The following NKAIN4 variants were observed in gnomAD, a reference collection of about 807,000 sequenced individuals.
NKAIN4 encodes the protein sodium/potassium-transporting ATPase subunit beta-1-interacting protein 4.
In NKAIN4, 28 loss-of-function variants were observed where a neutral mutation model predicts 28.8. That is an observed-to-expected ratio of 0.97 (90% CI 0.72 to 1.33). NKAIN4 has a LOEUF of 1.33. Ranked by LOEUF, NKAIN4 falls within the 40% of genes most tolerant of loss-of-function variation. The pLI, the probability that NKAIN4 is intolerant of heterozygous loss-of-function variation, is 0.00. For synonymous variants in NKAIN4, 122 were observed against 115.6 expected, an observed-to-expected ratio of 1.06 and a Z score of -0.36; for missense variants, 289 against 277.2, an observed-to-expected ratio of 1.04 and a Z score of -0.30.
intron 5 of NKAIN4, among the ~76,000 whole-genome samples, chr20:63,243,390 G>A (rs2066796259): frequency 6.6e-6 from 1 of 152,032 alleles, no homozygotes; most frequent in South Asian, 2.1e-4. Context: ...ACTGGATTCT[G>A]ACCCCAGGGA....
At chr20:63,242,156 A>T (rs999618990) in intron 6 of NKAIN4, among the ~76,000 whole-genome samples, 1 of 152,126 alleles carries the variant, frequency 6.6e-6, no homozygotes, top group African/African-American at 2.4e-5. Flanking sequence ...GTTCTGCCAG[A>T]TAGGAAGCCA....
chr20:63,242,623 A>G lies in NKAIN4; in HGVS notation c.533T>C (p.Phe178Ser). The change falls in exon 6 of 7, where the codon TTT becomes TCT. Residue 178 changes from phenylalanine (F) to serine (S), a missense_variant and splice_region_variant. Transcript: ENST00000370316. Reference protein sequence around the residue: ...VSVFTEEEDSFDFIGGFDPFP... With the variant: ...VSVFTEEEDSSDFIGGFDPFP... ...TGGATCAAATCCACCAATGAAATCA[A>G]CTGAAAGAAATCAAGACCCAAATAA... 1.2e-6 allele frequency: 2 copies of G among 1,610,480 alleles called. No individual in the cohort carries two copies. Among genetic ancestry groups the G allele is most frequent in the African/African-American group, 1.3e-5 (1 of 74,974 alleles).
intron 3 of NKAIN4, 192 bp downstream of exon 3, chr20:63,248,623 C>T: frequency 1.8e-6 from 1 of 562,158 alleles, no homozygotes. Context: ...AATCAAATCA[C>T]TGGTCTTTCC....
intron 1 of NKAIN4, 188 bp downstream of exon 1, chr20:63,254,209 G>A: frequency 2.1e-6 from 1 of 471,600 alleles, no homozygotes; most frequent in Admixed American, 4.6e-5. Flanking sequence ...CCGGCGCCGC[G>A]ACTCCCCACG....
intron 2 of NKAIN4, chr20:63,249,110 A>G (rs60595904): frequency 1.8e-6 from 1 of 547,786 alleles, no homozygotes; most frequent in South Asian, 2.0e-5. Context: ...TGCCCCGGGA[A>G]TGAGGCGGTG....
chr20:63,247,071 T>TCACG (rs1415927230), intron 4 of NKAIN4: 14 of 1,025,598 alleles, frequency 1.4e-5, no homozygotes, highest in Non-Finnish European at 1.6e-5. Context: ...CAGACCTGGG[T>TCACG]CACGTGGCGC....
intron 1 of NKAIN4, chr20:63,254,149 C>G: frequency 2.3e-6 from 1 of 426,314 alleles, no homozygotes; most frequent in Non-Finnish European, 4.1e-6. Flanking sequence ...CCTGTCCCCG[C>G]CGCTCCGGAC....
chr20:63,253,168 C>CCCT (rs1319503584), intron 1 of NKAIN4: 1 of 980,152 alleles, frequency 1.0e-6, no homozygotes, highest in African/African-American at 1.8e-5. Context: ...TGCTTCCAGC[C>CCCT]CCTCCCCACC....
intron 4 of NKAIN4, chr20:63,247,247 C>T (rs2066875838): frequency 2.4e-6 from 3 of 1,254,392 alleles, no homozygotes; most frequent in Non-Finnish European, 2.0e-6. Context: ...GCATGCCCCT[C>T]CTCCTTGGGG....
intron 1 of NKAIN4, chr20:63,254,082 C>T: frequency 2.6e-6 from 1 of 383,134 alleles, no homozygotes; most frequent in Non-Finnish European, 4.9e-6. Context: ...CGATGGGGTC[C>T]AGGCGGCCCC....
At chr20:63,242,955 TG>T (rs1277023997) in intron 5 of NKAIN4, among the ~76,000 whole-genome samples, 1 of 148,498 alleles carries the variant, frequency 6.7e-6, no homozygotes, top group Non-Finnish European at 1.5e-5. Context: ...CGGGGGACAG[TG>T]GGGTCAGGAC....
chr20:63,241,830 C>T, intron 6 of NKAIN4: 1 of 502,646 alleles, frequency 2.0e-6, no homozygotes, highest in South Asian at 1.9e-5. Flanking sequence ...CCACCCCTTC[C>T]CAGGTCTTTA....
chr20:63,241,154 G>C lies in NKAIN4; in HGVS notation c.*343C>G, dbSNP rs777335487. The C allele has an allele frequency of 3.1e-6, 1 of 323,510 alleles. No individual in the cohort carries two copies. Among genetic ancestry groups the C allele is most frequent in the Non-Finnish European group, 5.8e-6 (1 of 173,488 alleles). 20.0% of individuals were successfully genotyped at this position (323,510 alleles called of 1,614,324 possible). On this transcript the variant is annotated 3_prime_UTR_variant, in exon 7 of 7. Coordinates refer to ENST00000370316, the MANE Select transcript of NKAIN4 (RefSeq NM_152864.4). Reference sequence around the variant, plus strand: ...CCAGCAGCCCCAGGTGGGCACCTGAGGGAGGGGCTCCTCGACGAGACGACA... The same window carrying C: ...CCAGCAGCCCCAGGTGGGCACCTGACGGAGGGGCTCCTCGACGAGACGACA...
At chr20:63,241,875 G>A (rs2066758314) in intron 6 of NKAIN4, 1 of 404,194 alleles carries the variant, frequency 2.5e-6, no homozygotes, top group Admixed American at 3.6e-5. Context: ...CTGGGCTCCT[G>A]CTACCTTGAA....
intron 4 of NKAIN4, among the ~76,000 whole-genome samples, chr20:63,246,219 C>T (rs1036830673): frequency 2.0e-5 from 3 of 152,212 alleles, no homozygotes; most frequent in South Asian, 2.1e-4. Context: ...TGAGCCACCG[C>T]ACCCAGCCTA....
At chr20:63,250,184 C>T (rs895408964) in intron 1 of NKAIN4, 112 bp from the exon 2 acceptor site, 10 of 1,241,466 alleles carry the variant, frequency 8.1e-6, no homozygotes, top group African/African-American at 4.6e-5. Flanking sequence ...TCCCCACACC[C>T]GCCCACCACA....
intron 1 of NKAIN4, among the ~76,000 whole-genome samples, chr20:63,253,779 C>G (rs1337420705): frequency 6.6e-6 from 1 of 152,170 alleles, no homozygotes. Flanking sequence ...GCGCTGCGCC[C>G]CGGGCATCGG....
In NKAIN4 at chr20:63,241,304, G is replaced by T; in HGVS notation, c.*193C>A. 7.0e-6 allele frequency: 4 copies of T among 572,334 alleles called. No homozygotes were observed. The highest frequency in any genetic ancestry group is 2.2e-5 in the South Asian group (1 of 45,440). 35.5% of individuals were successfully genotyped at this position (572,334 alleles called of 1,614,324 possible). On this transcript the variant is annotated 3_prime_UTR_variant, in exon 7 of 7. Transcript: ENST00000370316. ...GAGAAAGGAAATTACAAACTCTCTT[G>T]ACGCTGCAGCCAGCCGTGGCACTGC... is the stretch of plus-strand genomic sequence containing the variant.
chr20:63,248,946 C>T (rs766292991), intron 2 of NKAIN4, 51 bp from the exon 3 acceptor site: 1 of 1,269,782 alleles, frequency 7.9e-7, no homozygotes, highest in Non-Finnish European at 1.1e-6. Context: ...CCCGGGCACA[C>T]CTGCTTGCAT....
Sources: gnomAD v4.1 joint callset for allele counts (sites outside exome capture counted in the v4.1 genomes callset) on GRCh38, gnomAD v4.1.1 for gene constraint, MANE v1.5 for transcripts, NCBI Gene and HGNC (gene_info 2026-07-23, HGNC 2026-07-21) for gene names.